NAV2: variants seen among roughly 807,000 people sequenced by gnomAD.
NAV2 encodes the protein helicase, APC down-regulated 1.
NAV2 carries 54 observed loss-of-function variants against 223.2 expected under a neutral mutation model. The observed-to-expected ratio is 0.24, with a 90% CI of 0.19 to 0.30. NAV2 has a LOEUF of 0.30. Ranked by LOEUF, NAV2 falls within the 10% of genes least tolerant of loss-of-function variation. The pLI, the probability that NAV2 is intolerant of heterozygous loss-of-function variation, is 1.00. For missense variants in NAV2, 2,806 were observed against 3,147.5 expected, an observed-to-expected ratio of 0.89 and a Z score of 2.60; for synonymous variants, 1,279 against 1,239.3, an observed-to-expected ratio of 1.03 and a Z score of -0.67.
upstream of NAV2, among the ~76,000 whole-genome samples, chr11:19,346,887 C>T (rs139692813): frequency 6.6e-6 from 1 of 152,238 alleles, no homozygotes; most frequent in East Asian, 1.9e-4. Context: ...TTCTGTTTCC[C>T]CTATTGACAC....
chr11:19,737,506 A>G (rs779833452), intron 1 of NAV2, among the ~76,000 whole-genome samples: 1 of 152,208 alleles, frequency 6.6e-6, no homozygotes, highest in East Asian at 1.9e-4. Flanking sequence ...ATTCCAAGGC[A>G]GAGTAATATG....
chr11:19,514,630 C>A (rs1260275983), intron 1 of NAV2, among the ~76,000 whole-genome samples: 4 of 152,180 alleles, frequency 2.6e-5, no homozygotes, highest in Non-Finnish European at 4.4e-5. Flanking sequence ...ATCCATTATG[C>A]ATTTACTGCC....
At chr11:19,997,908 A>G (rs2052079069) in intron 11 of NAV2, among the ~76,000 whole-genome samples, 1 of 152,036 alleles carries the variant, frequency 6.6e-6, no homozygotes. Context: ...CCTCCACCCC[A>G]GGTAGGATCC....
intron 1 of NAV2, among the ~76,000 whole-genome samples, chr11:19,608,668 G>A (rs1028388967): frequency 3.3e-5 from 5 of 152,254 alleles, no homozygotes; most frequent in African/African-American, 9.6e-5. Flanking sequence ...ATTAGGAAAC[G>A]GAAATACTCC....
At chr11:19,838,705 C>T (rs551228967) in intron 2 of NAV2, among the ~76,000 whole-genome samples, 6 of 152,318 alleles carry the variant, frequency 3.9e-5, no homozygotes, top group African/African-American at 7.2e-5. Context: ...CTCACTGAGG[C>T]CTCTGCCTCC....
intron 1 of NAV2, among the ~76,000 whole-genome samples, chr11:19,428,240 C>T (rs947157019): frequency 2.6e-5 from 4 of 152,168 alleles, no homozygotes; most frequent in African/African-American, 9.7e-5. Context: ...TTAAAACACA[C>T]ATACACGCAT....
At chr11:19,798,540 G>C (rs1165971055) in intron 1 of NAV2, among the ~76,000 whole-genome samples, 2 of 152,180 alleles carry the variant, frequency 1.3e-5, no homozygotes, top group Non-Finnish European at 2.9e-5. Flanking sequence ...CTTGTTGTTG[G>C]AAGGGAGGCT....
intron 1 of NAV2, among the ~76,000 whole-genome samples, chr11:19,442,469 G>A (rs1411205203): frequency 2.6e-5 from 4 of 152,236 alleles, no homozygotes; most frequent in Non-Finnish European, 5.9e-5. Flanking sequence ...CAACACAGAG[G>A]AGGGCTTTCC....
chr11:20,083,379 G>T (rs2060213265), intron 26 of NAV2, among the ~76,000 whole-genome samples, 200 bp downstream of exon 26: 1 of 152,170 alleles, frequency 6.6e-6, no homozygotes, highest in Non-Finnish European at 1.5e-5. Flanking sequence ...CGTTCTGATG[G>T]TGTCAATATC....
intron 1 of NAV2, among the ~76,000 whole-genome samples, chr11:19,694,868 C>A (rs79191021): frequency 0.019 from 2,946 of 152,292 alleles, 104 homozygotes; most frequent in African/African-American, 0.068. Flanking sequence ...AAAGGCCTTT[C>A]TTGGGCCCAG....
intron 1 of NAV2, among the ~76,000 whole-genome samples, chr11:19,676,998 C>A (rs1366461172): frequency 1.3e-5 from 2 of 152,172 alleles, no homozygotes; most frequent in African/African-American, 4.8e-5. Context: ...CTGTTAACCA[C>A]ACCAAGAGTG....
chr11:19,682,634 C>T (rs185791188), intron 1 of NAV2, among the ~76,000 whole-genome samples: 1 of 152,256 alleles, frequency 6.6e-6, no homozygotes, highest in East Asian at 1.9e-4. Context: ...TTGGCGAGGG[C>T]CTCAGGAAGC....
chr11:19,865,414 G>C (rs1403244757), intron 3 of NAV2, among the ~76,000 whole-genome samples: 1 of 152,156 alleles, frequency 6.6e-6, no homozygotes, highest in Non-Finnish European at 1.5e-5. Flanking sequence ...AGAGGGCCTG[G>C]ATCAAAGAAA....
intron 19 of NAV2, among the ~76,000 whole-genome samples, chr11:20,056,268 C>T (rs932720879): frequency 7.9e-5 from 12 of 152,350 alleles, no homozygotes; most frequent in Non-Finnish European, 1.8e-4. Context: ...TCTTGGCATG[C>T]GCCTCCACCT....
chr11:19,557,805 T>C (rs1230131663), intron 1 of NAV2, among the ~76,000 whole-genome samples: 2 of 152,206 alleles, frequency 1.3e-5, no homozygotes, highest in African/African-American at 4.8e-5. Flanking sequence ...ATTCTCAAGC[T>C]GCATTCCTGC....
Position 19,617,598 on chromosome 11 carries a change from T to C in NAV2, c.76-214886T>C, listed in dbSNP as rs115710145. Among the ~76,000 whole-genome samples the C allele has an allele frequency of 5.3e-4, 80 of 152,210 alleles. 2 individuals are homozygous for C. The highest frequency in any genetic ancestry group is 1.8e-3 in the African/African-American group (75 of 41,524). ...CAGGCAGTAAGTGCTATGAAGAAGA[T>C]TAAATATGGTAGGTGTGATAAGAAG... On this transcript the variant is annotated intron_variant, in intron 1 of 37. Coordinates refer to the NAV2 transcript ENST00000360655.
At chr11:20,085,335 C>A (rs1188728209) in intron 26 of NAV2, among the ~76,000 whole-genome samples, 2 of 152,112 alleles carry the variant, frequency 1.3e-5, no homozygotes, top group African/African-American at 4.8e-5. Flanking sequence ...CGATAAAGTA[C>A]AACACAAAGT....
At chr11:19,673,393 G>A (rs903795275) in intron 1 of NAV2, among the ~76,000 whole-genome samples, 2 of 152,188 alleles carry the variant, frequency 1.3e-5, no homozygotes, top group African/African-American at 4.8e-5. Context: ...GACAGATGAG[G>A]AAACAAATGA....
intron 1 of NAV2, among the ~76,000 whole-genome samples, chr11:19,530,578 G>T (rs2134421534): frequency 6.6e-6 from 1 of 152,310 alleles, no homozygotes; most frequent in East Asian, 1.9e-4. Flanking sequence ...TTGAATCCAA[G>T]TCTTCCCACC....
Sources: allele counts gnomAD v4.1 joint callset (sites outside exome capture counted in the v4.1 genomes callset), GRCh38; gene constraint gnomAD v4.1.1; transcripts MANE v1.5; gene names NCBI Gene and HGNC (gene_info 2026-07-23, HGNC 2026-07-21).